FZR1: variants seen among roughly 807,000 people sequenced by gnomAD.
FZR1 encodes the protein fizzy and cell division cycle 20 related 1.
Under a neutral mutation model 63.6 loss-of-function variants are expected in FZR1, and 11 were observed. The observed-to-expected ratio is 0.17, with a 90% confidence interval of 0.11 to 0.29. The LOEUF (loss-of-function observed/expected upper bound fraction) is 0.29, where lower values mean the gene tolerates loss of function less well. Among genes scored for constraint, FZR1 ranks in the 10% least tolerant of loss-of-function variants. The probability of loss-of-function intolerance (pLI) is 1.00; values close to 1 mark genes in which losing one functional copy is unlikely to be tolerated. For synonymous variants in FZR1, 328 were observed against 297.9 expected (o/e 1.10, Z -1.04); for missense variants, 440 against 687.5 (o/e 0.64, Z 4.03).
At chr19:3,528,009 C>A (rs545582447) in intron 7 of FZR1, among the ~76,000 whole-genome samples, 195 bp downstream of exon 7, 1 of 152,062 alleles carries the variant, frequency 6.6e-6, no homozygotes, top group African/African-American at 2.4e-5. Context: ...CATGGCCCTC[C>A]CAGTCAGGGC....
chr19:3,532,674 C>T, intron 11 of FZR1, 24 bp downstream of exon 11: 1 of 1,530,046 alleles, frequency 6.5e-7, no homozygotes, highest in Non-Finnish European at 9.0e-7. Flanking sequence ...GCCCGGCCTC[C>T]CACCAGGCCT....
chr19:3,507,314 C>T lies in FZR1; in HGVS notation c.-35+840C>T, dbSNP rs115554180. 3.7e-3 allele frequency among the ~76,000 whole-genome samples: 558 copies of T among 152,030 alleles called. 5 individuals carry two copies. The highest frequency in any genetic ancestry group is 0.013 in the African/African-American group (539 of 41,442). ...AAACGCAAGCCTGGCCATCTCGGAT[C>T]CCCAGAATATGGAGTGTGCCCCCCA... On this transcript the variant is annotated intron_variant, in intron 1 of 13. Transcript: ENST00000441788.
chr19:3,523,036 A>C lies in FZR1; in HGVS notation c.47A>C (p.Gln16Pro). 1 of 1,610,120 alleles carries C rather than the reference A, an allele frequency of 6.2e-7. No individual in the cohort carries two copies. Among genetic ancestry groups the C allele is most frequent in the Non-Finnish European group, 8.5e-7 (1 of 1,177,514 alleles). The change falls in exon 2 of 14, where the codon CAG becomes CCG. Residue 16 changes from glutamine to proline, a missense_variant. Gln to Pro is a moderately conservative substitution (Grantham distance 76). Coordinates refer to ENST00000441788, the MANE Select transcript of FZR1 (RefSeq NM_016263.4). ...ERRLLRQIVI[Q>P]NENTMPRVTE... ...CGCCTGCTTCGCCAGATCGTCATCC[A>C]GAATGAGAACACGATGCCACGCGTG...
rs1320469490 is a variant in FZR1, at chr19:3,525,120, GTAC to G, written c.70-747_70-745del. Among the ~76,000 whole-genome samples the G allele has an allele frequency of 6.6e-6, 1 of 152,174 alleles. No homozygotes were observed. The highest frequency in any genetic ancestry group is 6.5e-5 in the Admixed American group (1 of 15,280). ...GGGCCACACTCCCAGGTGGCTCTGG[GTAC>G]AGCTGTTGCGTGTCTTGTGCCGTCA... On this transcript the variant is annotated intron_variant, in intron 2 of 13. Coordinates refer to ENST00000441788, the MANE Select transcript of FZR1 (RefSeq NM_016263.4). The surrounding 1 kb of genome is among the most constrained non-coding windows in gnomAD (Gnocchi z 4.2).
rs891826777 is a variant in FZR1 at position 3,516,559 on chromosome 19, C to T, written c.-34-6397C>T. ...GGGGTCCCGGAGCTGAGCTGAGCAC[C>T]GCTAGCAGCACCGGGCAAGTGTCCA... On this transcript the variant is annotated intron_variant, in intron 1 of 13. Transcript: ENST00000441788. The surrounding 1 kb of genome is among the most constrained non-coding windows in gnomAD (Gnocchi z 6.0). 6.6e-6 allele frequency among the ~76,000 whole-genome samples: 1 copy of T among 152,112 alleles called. No homozygotes were observed. The highest frequency in any genetic ancestry group is 2.4e-5 in the African/African-American group (1 of 41,412).
At position 3,511,140 on chromosome 19, in the gene FZR1, C is replaced by T. The variant is rs181264090; in HGVS notation, c.-35+4666C>T. On this transcript the variant is annotated intron_variant, in intron 1 of 13. Coordinates refer to ENST00000441788, the MANE Select transcript of FZR1 (RefSeq NM_016263.4). ...TCCTCCTCACGTGGGGCACTGCAGC[C>T]TTTTGTGCTGCCGCAGACCCAGGTG... Among the ~76,000 whole-genome samples, 3 of 152,388 alleles carry T rather than the reference C, an allele frequency of 2.0e-5. No individual in the cohort carries two copies. The East Asian group carries it at 5.8e-4, about 29-fold the overall frequency.
rs2122025054 is a variant in FZR1 at position 3,533,134 on chromosome 19, A to G, written c.1243-160A>G. Among the ~76,000 whole-genome samples the G allele has an allele frequency of 6.6e-6, 1 of 151,458 alleles. No homozygotes were observed. Among genetic ancestry groups the G allele is most frequent in the South Asian group, 2.1e-4 (1 of 4,786 alleles). ...TGTGGCCTCCACACCTCCTAGACAGACTCAGGTGGCAGAGCCACATCCCAG... is the reference window on the plus strand; with the variant it reads ...TGTGGCCTCCACACCTCCTAGACAGGCTCAGGTGGCAGAGCCACATCCCAG... On this transcript the variant is annotated intron_variant, in intron 11 of 13. Coordinates refer to ENST00000441788, the MANE Select transcript of FZR1 (RefSeq NM_016263.4). This position sits in a 1 kb window ranked among gnomAD's most constrained non-coding sequence, Gnocchi z 4.9.
rs372965256 is a variant in FZR1 at position 3,525,831 on chromosome 19, C to G, written c.70-37C>G. The G allele has an allele frequency of 6.2e-7, 1 of 1,600,088 alleles. No homozygotes were observed. Among genetic ancestry groups the G allele is most frequent in the Admixed American group, 1.7e-5 (1 of 59,736 alleles). ...CCTGGGGGCACTCTCGGGGGGCTCT[C>G]GGTGCTGAGAGCAAGCCCTCTGCTG... On this transcript the variant is annotated intron_variant, in intron 2 of 13. Transcript: ENST00000441788. The surrounding 1 kb of genome is among the most constrained non-coding windows in gnomAD (Gnocchi z 4.2).
At position 3,534,535 on chromosome 19, in the gene FZR1, G is replaced by A. The variant is rs766986710; in HGVS notation, c.1440+22G>A. On this transcript the variant is annotated intron_variant, in intron 13 of 13. Transcript: ENST00000441788. ...AAAGGTAAAGTGGGTCGGTATCAGC[G>A]CCACTCGCCCCCGCCCCAGCCTGTC... 1.5e-4 allele frequency: 227 copies of A among 1,493,282 alleles called. 6 individuals are homozygous for A. The South Asian group carries it at 2.2e-3, about 15-fold the overall frequency. The allele number at this position is 1,493,282 out of a possible 1,614,324, so 92.5% of individuals were successfully genotyped here. A position where few individuals can be genotyped will look rare whatever the true frequency, so the allele number is the denominator to read the frequency against.
rs919748180 is a variant in FZR1, at chr19:3,533,437, C to G, written c.1347+39C>G. On this transcript the variant is annotated intron_variant, in intron 12 of 13. Coordinates refer to ENST00000441788, the MANE Select transcript of FZR1 (RefSeq NM_016263.4). This position sits in a 1 kb window ranked among gnomAD's most constrained non-coding sequence, Gnocchi z 4.9. ...AGGCACTTCAAGGTGCCCCGGGATTCTGGACAAACTGCCATGGCCACCCCA... is the reference window on the plus strand; with the variant it reads ...AGGCACTTCAAGGTGCCCCGGGATTGTGGACAAACTGCCATGGCCACCCCA... 4 of 1,272,268 alleles carry G rather than the reference C, an allele frequency of 3.1e-6. No individual in the cohort carries two copies. The highest frequency in any genetic ancestry group is 4.6e-6 in the Non-Finnish European group (4 of 870,568). The allele number at this position is 1,272,268 out of a possible 1,614,324, so 78.8% of individuals were successfully genotyped here.
At position 3,531,916 on chromosome 19, in the gene FZR1, C is replaced by G; in HGVS notation, c.829C>G (p.Leu277Val). The change falls in exon 10 of 14, where the codon CTG (leucine) becomes GTG (valine). Residue 277 changes from leucine (L) to valine (V), a missense_variant. This residue lies in a region of FZR1 where 208 missense variants were observed against 363.6 expected (regional missense o/e 0.57). Transcript: ENST00000441788. ...CGCTTCCACCTGGCCTCCAGGGGCG[C>G]TGGCCTGGAATGCTGAGCAGCTGTC... ...LEGHTARVGA[L>V]AWNAEQLSSG... 1 of 1,595,472 alleles carries G rather than the reference C, an allele frequency of 6.3e-7. No individual in the cohort carries two copies. Among genetic ancestry groups the G allele is most frequent in the East Asian group, 2.3e-5 (1 of 44,188 alleles).
intron 1 of FZR1, among the ~76,000 whole-genome samples, chr19:3,510,714 A>G (rs966597584): frequency 1.3e-5 from 2 of 152,012 alleles, no homozygotes; most frequent in Non-Finnish European, 2.9e-5. Flanking sequence ...TCTTCCACTT[A>G]AGGATCCCCC....
chr19:3,533,220 T>A lies in FZR1; in HGVS notation c.1243-74T>A. On this transcript the variant is annotated intron_variant, in intron 11 of 13. Transcript: ENST00000441788. The surrounding 1 kb of genome is among the most constrained non-coding windows in gnomAD (Gnocchi z 4.9). Reference sequence around the variant, plus strand: ...GAGCTCTCACATGGGCTCAGGCGGGTGCATGTGAGGCAGCAGGCATAGCAC... The same window carrying A: ...GAGCTCTCACATGGGCTCAGGCGGGAGCATGTGAGGCAGCAGGCATAGCAC... 1.1e-6 allele frequency: 1 copy of A among 895,412 alleles called. No individual in the cohort carries two copies. The highest frequency in any genetic ancestry group is 2.4e-5 in the East Asian group (1 of 41,550). 55.5% of individuals were successfully genotyped at this position (895,412 alleles called of 1,614,324 possible).
Position 3,531,986 on chromosome 19 carries a change from C to T in FZR1, c.899C>T (p.Thr300Ile). 1 of 1,574,052 alleles carries T rather than the reference C, an allele frequency of 6.4e-7. No homozygotes were observed. The highest frequency in any genetic ancestry group is 8.6e-7 in the Non-Finnish European group (1 of 1,165,258). ...DRMILQRDIR[T>I]PPLQSERRLQ... ...ATGATCCTGCAGAGGGACATCCGCA[C>T]CCCGCCACTGCAGTCGGAGCGGCGG... The change falls in exon 10 of 14, where the codon ACC (threonine) becomes ATC (isoleucine). Residue 300 changes from threonine (T) to isoleucine (I), a missense_variant. Around this residue, in one of 5 missense-constraint regions of FZR1, gnomAD observed 208 missense variants for 363.6 expected, o/e 0.57. Coordinates refer to ENST00000441788, the MANE Select transcript of FZR1 (RefSeq NM_016263.4).
chr19:3,520,850 T>C (rs779514801), intron 1 of FZR1, among the ~76,000 whole-genome samples: 5 of 152,236 alleles, frequency 3.3e-5, no homozygotes, highest in Non-Finnish European at 7.3e-5. Context: ...CGCATGGGTC[T>C]GTCCCTACCT....
chr19:3,525,948 C>T lies in FZR1; in HGVS notation c.150C>T (p.Pro50=). ...SPSKHGDRFI[P]SRAGANWSVN... is the part of the protein sequence containing the mutation. The stretch of plus-strand genomic sequence containing the variant: ...GCAAGCACGGAGACCGCTTCATCCC[C>T]TCCAGAGCCGGAGCCAACTGGAGCG... The change falls in exon 3 of 14, where the codon CCC becomes CCT. Residue 50 remains proline (P), a synonymous_variant. Transcript: ENST00000441788. This position sits in a 1 kb window ranked among gnomAD's most constrained non-coding sequence, Gnocchi z 4.2. 2 of 1,612,522 alleles carry T rather than the reference C, an allele frequency of 1.2e-6. No individual in the cohort carries two copies. The highest frequency in any genetic ancestry group is 1.7e-6 in the Non-Finnish European group (2 of 1,179,876).
rs554382883 is a variant in FZR1, at chr19:3,526,857, C to T, written c.388-123C>T. The T allele has an allele frequency of 1.4e-6, 1 of 707,276 alleles. No individual in the cohort carries two copies. The highest frequency in any genetic ancestry group is 2.6e-5 in the East Asian group (1 of 38,772). 43.8% of individuals were successfully genotyped at this position (707,276 alleles called of 1,614,324 possible). A position where few individuals can be genotyped will look rare whatever the true frequency, so the allele number is the denominator to read the frequency against. On this transcript the variant is annotated intron_variant, in intron 5 of 13. Transcript: ENST00000441788. This position sits in a 1 kb window ranked among gnomAD's most constrained non-coding sequence, Gnocchi z 5.4. ...AGGCGCCTGCCTTTTTACAGCTGCT[C>T]CACACAGGGTCTCAGCACCTGCCTT...
chr19:3,521,559 C>T lies in FZR1; in HGVS notation c.-34-1397C>T, dbSNP rs149246163. On this transcript the variant is annotated intron_variant, in intron 1 of 13. Transcript: ENST00000441788. ...CTCTGTCACCCAGGCAGGAGTGCAG[C>T]GGCACGATCTCAGCTCACTGCAGCC... 1.0e-3 allele frequency among the ~76,000 whole-genome samples: 154 copies of T among 150,172 alleles called. 1 individual carries two copies. Among genetic ancestry groups the T allele is most frequent in the African/African-American group, 3.7e-3 (151 of 40,806 alleles).
At chr19:3,528,806 C>A (rs868265518) in intron 7 of FZR1, among the ~76,000 whole-genome samples, 23 of 60,182 alleles carry the variant, frequency 3.8e-4, no homozygotes, top group African/African-American at 1.0e-3. Flanking sequence ...TGGATGGGTA[C>A]GTGGATGGGT....
Sources: gnomAD v4.1 joint callset for allele counts (sites outside exome capture counted in the v4.1 genomes callset) on GRCh38, gnomAD v4.1.1 for gene constraint, gnomAD v4.1.1 regional missense constraint, Gnocchi (gnomAD v3.1) non-coding constraint, MANE v1.5 for transcripts, NCBI Gene and HGNC (gene_info 2026-07-23, HGNC 2026-07-21) for gene names.